The following RPS6KA2 variants were observed in gnomAD, a reference collection of about 807,000 sequenced individuals.
RPS6KA2 encodes ribosomal protein S6 kinase A2, also known as ribosomal protein S6 kinase alpha-2.
RPS6KA2 carries 42 observed loss-of-function variants against 91.8 expected under a neutral mutation model. The ratio of observed to expected loss-of-function variants is 0.46; its 90% confidence interval spans 0.36 to 0.59. The LOEUF (loss-of-function observed/expected upper bound fraction) is 0.59, where lower values mean the gene tolerates loss of function less well. Ranked by LOEUF, RPS6KA2 falls within the 20% of genes least tolerant of loss-of-function variation. The pLI is 0.00. For synonymous variants in RPS6KA2, 414 were observed against 393.6 expected (o/e 1.05, Z -0.61); for missense variants, 798 against 978.5 (o/e 0.82, Z 2.46).
At chr6:166,775,401 A>T (rs1583104211) in intron 2 of RPS6KA2, among the ~76,000 whole-genome samples, 1 of 152,066 alleles carries the variant, frequency 6.6e-6, no homozygotes, top group East Asian at 1.9e-4. Context: ...AAGTGAGAAC[A>T]CTCCGAGGCG....
chr6:166,806,925 T>C (rs1234025213), intron 2 of RPS6KA2, among the ~76,000 whole-genome samples: 1 of 152,240 alleles, frequency 6.6e-6, no homozygotes, highest in Non-Finnish European at 1.5e-5. Flanking sequence ...ATTAATGTCA[T>C]GATGGTACAA....
chr6:166,456,541 G>C (rs1780113293), intron 12 of RPS6KA2, among the ~76,000 whole-genome samples: 1 of 152,220 alleles, frequency 6.6e-6, no homozygotes, highest in Non-Finnish European at 1.5e-5. Flanking sequence ...GCCAAGGTGT[G>C]ATCAGGGAAT....
rs140891959 is a variant in RPS6KA2, at chr6:166,508,272, C to A, written c.390G>T (p.Thr130=). The A allele has an allele frequency of 6.2e-7, 1 of 1,611,880 alleles. No homozygotes were observed. The highest frequency in any genetic ancestry group is 8.5e-7 in the Non-Finnish European group (1 of 1,177,996). ...CCAGGATCAGGTAGAGCTTTCCTTC[C>A]GTCTGAAAGGCTGTGGGGGACAGAG... ...FIVKLHYAFQ[T]EGKLYLILDF... Residue 130 remains threonine, a synonymous_variant, in exon 5 of 21, where the codon ACG becomes ACT. Coordinates refer to ENST00000265678, the MANE Select transcript of RPS6KA2 (RefSeq NM_021135.6). This position sits in a 1 kb window ranked among gnomAD's most constrained non-coding sequence, Gnocchi z 4.3.
intron 2 of RPS6KA2, among the ~76,000 whole-genome samples, chr6:166,651,959 G>A (rs565937507): frequency 6.6e-6 from 1 of 152,386 alleles, no homozygotes; most frequent in Non-Finnish European, 1.5e-5. Context: ...AGGAGCATCC[G>A]CCTTCTCCAA....
chr6:166,533,942 G>A lies in RPS6KA2; in HGVS notation c.217-2629C>T, dbSNP rs1783384294. On this transcript the variant is annotated intron_variant, in intron 2 of 20. Transcript: ENST00000265678. This position sits in a 1 kb window ranked among gnomAD's most constrained non-coding sequence, Gnocchi z 4.0. ...AGTAAAAATAAAAATAAAAATTAGG[G>A]CTGGGTGCGGTGGCTCACGCCTGTA... Among the ~76,000 whole-genome samples, 1 of 152,104 alleles carries A rather than the reference G, an allele frequency of 6.6e-6. No individual in the cohort carries two copies. Among genetic ancestry groups the A allele is most frequent in the African/African-American group, 2.4e-5 (1 of 41,436 alleles).
chr6:166,477,736 C>T (rs1000900124), intron 10 of RPS6KA2, among the ~76,000 whole-genome samples: 16 of 152,134 alleles, frequency 1.1e-4, no homozygotes, highest in African/African-American at 3.6e-4. Flanking sequence ...CATAGCGGGG[C>T]CCCTTCTCTA....
At chr6:166,587,547 A>G (rs1484829082) in intron 1 of RPS6KA2, among the ~76,000 whole-genome samples, 4 of 152,114 alleles carry the variant, frequency 2.6e-5, no homozygotes, top group African/African-American at 7.2e-5. Context: ...GTTCTCAAAA[A>G]TAACACTTTA....
Position 166,557,240 on chromosome 6 carries a change from G to A in RPS6KA2, c.100-18456C>T, listed in dbSNP as rs369034786. 2.0e-4 allele frequency among the ~76,000 whole-genome samples: 30 copies of A among 152,376 alleles called. No homozygotes were observed. Among genetic ancestry groups the A allele is most frequent in the East Asian group, 1.2e-3 (6 of 5,190 alleles). ...GCAGAGGCAGCTGCAGCCTGAGTGC[G>A]CAGAGGGTAGCTCCTGCCGGGGTGA... On this transcript the variant is annotated intron_variant, in intron 1 of 20. Coordinates refer to ENST00000265678, the MANE Select transcript of RPS6KA2 (RefSeq NM_021135.6). The surrounding 1 kb of genome is among the most constrained non-coding windows in gnomAD (Gnocchi z 4.8).
chr6:166,707,752 CT>C (rs199933207), intron 2 of RPS6KA2, among the ~76,000 whole-genome samples: 1 of 151,748 alleles, frequency 6.6e-6, no homozygotes, highest in African/African-American at 2.4e-5. Flanking sequence ...CTCTCTCTCT[CT>C]TTTTTTTCAG....
At chr6:166,476,900 C>A (rs1780996192) in intron 10 of RPS6KA2, among the ~76,000 whole-genome samples, 1 of 152,150 alleles carries the variant, frequency 6.6e-6, no homozygotes, top group East Asian at 1.9e-4. Flanking sequence ...CCTTGCATAT[C>A]CATGCGAGGG....
chr6:166,578,225 T>G (rs1317350885), intron 1 of RPS6KA2, among the ~76,000 whole-genome samples: 1 of 152,290 alleles, frequency 6.6e-6, no homozygotes, highest in East Asian at 1.9e-4. Context: ...GGCAACGTGT[T>G]CCTTCCCTCA....
chr6:166,664,833 G>C (rs1788269748), intron 2 of RPS6KA2, among the ~76,000 whole-genome samples: 1 of 152,176 alleles, frequency 6.6e-6, no homozygotes, highest in Non-Finnish European at 1.5e-5. Context: ...CAACGGATGA[G>C]GCCCCTACTG....
rs1354249204 is a variant in RPS6KA2, at chr6:166,437,669, T to G, written c.1333-5179A>C. On this transcript the variant is annotated intron_variant, in intron 14 of 20. Transcript: ENST00000265678. The surrounding 1 kb of genome is among the most constrained non-coding windows in gnomAD (Gnocchi z 4.3). ...GATGCTGAGTCTAGGGGTCTGAATA[T>G]CCACGAAGCAATTCTGGGTTCAACA... Among the ~76,000 whole-genome samples, 5 of 152,190 alleles carry G rather than the reference T, an allele frequency of 3.3e-5. No homozygotes were observed. The highest frequency in any genetic ancestry group is 2.6e-4 in the Admixed American group (4 of 15,284).
chr6:166,798,178 C>A (rs1779272320), intron 2 of RPS6KA2, among the ~76,000 whole-genome samples: 1 of 152,206 alleles, frequency 6.6e-6, no homozygotes, highest in African/African-American at 2.4e-5. Flanking sequence ...AGCTATTGAA[C>A]AATGGAATTT....
intron 2 of RPS6KA2, among the ~76,000 whole-genome samples, chr6:166,735,150 C>T (rs988357120): frequency 1.8e-4 from 28 of 152,198 alleles, no homozygotes; most frequent in African/African-American, 6.5e-4. Context: ...ATAAGAAGAG[C>T]TGGAAGGGGC....
chr6:166,416,710 A>C (rs1778543725), intron 19 of RPS6KA2, among the ~76,000 whole-genome samples: 1 of 142,380 alleles, frequency 7.0e-6, no homozygotes, highest in Admixed American at 7.0e-5. Flanking sequence ...CATCTCCACA[A>C]TCGTCACCTC....
chr6:166,705,679 T>C (rs909518120), intron 2 of RPS6KA2, among the ~76,000 whole-genome samples: 1 of 152,196 alleles, frequency 6.6e-6, no homozygotes, highest in South Asian at 2.1e-4. Flanking sequence ...AAAAACATCC[T>C]TATTGGCAGA....
chr6:166,502,571 G>A (rs1782063133), intron 6 of RPS6KA2, among the ~76,000 whole-genome samples: 1 of 152,250 alleles, frequency 6.6e-6, no homozygotes, highest in South Asian at 2.1e-4. Flanking sequence ...GGCGTCAACA[G>A]CCAGGGCCGC....
rs755307213 is a variant in RPS6KA2 at position 166,821,256 on chromosome 6, G to A, written c.123+36944C>T. 5.9e-5 allele frequency among the ~76,000 whole-genome samples: 9 copies of A among 152,070 alleles called. No homozygotes were observed. Among genetic ancestry groups the A allele is most frequent in the African/African-American group, 1.4e-4 (6 of 41,390 alleles). The stretch of plus-strand genomic sequence containing the variant: ...AATATAGAGGTGATCGGGTAACACC[G>A]AGACAAGGATTTCTCTTTCTTTCCA... On this transcript the variant is annotated intron_variant, in intron 2 of 21. Transcript: ENST00000503859. This position sits in a 1 kb window ranked among gnomAD's most constrained non-coding sequence, Gnocchi z 4.1.
Sources: allele counts gnomAD v4.1 joint callset (sites outside exome capture counted in the v4.1 genomes callset), GRCh38; gene constraint gnomAD v4.1.1; non-coding constraint Gnocchi (gnomAD v3.1); transcripts MANE v1.5; gene names NCBI Gene and HGNC (gene_info 2026-07-23, HGNC 2026-07-21).